Variants in MBD5 observed in about 807,000 individuals in gnomAD.
The protein encoded by MBD5 is methyl-CpG-binding domain protein 5.
Under a neutral mutation model 117.3 loss-of-function variants are expected in MBD5, and 13 were observed. That is an observed-to-expected ratio of 0.11 (90% CI 0.07 to 0.18). The LOEUF (loss-of-function observed/expected upper bound fraction) is 0.18. MBD5 is among the 10% of genes least tolerant of loss of function. The probability of loss-of-function intolerance (pLI) is 1.00; values close to 1 mark genes in which losing one functional copy is unlikely to be tolerated. For synonymous variants in MBD5, 727 were observed against 766.4 expected (o/e 0.95, Z 0.85); for missense variants, 1,879 against 2,093.8 (o/e 0.90, Z 2.00).
At chr2:148,189,117 A>G (rs1040820282) in intron 2 of MBD5, among the ~76,000 whole-genome samples, 12 of 144,710 alleles carry the variant, frequency 8.3e-5, no homozygotes, top group South Asian at 2.4e-4. Context: ...CGCCCACGGA[A>G]TCTCGCTGAT....
intron 4 of MBD5, among the ~76,000 whole-genome samples, chr2:148,424,953 C>T (rs545197702): frequency 3.9e-5 from 6 of 152,122 alleles, no homozygotes; most frequent in African/African-American, 1.4e-4. Context: ...AAATCAACAC[C>T]CTAACATCGC....
intron 2 of MBD5, among the ~76,000 whole-genome samples, chr2:148,202,988 C>A (rs559910434): frequency 2.0e-5 from 3 of 151,920 alleles, no homozygotes; most frequent in African/African-American, 7.2e-5. Context: ...ACCTGTAATA[C>A]CAGGTACTCA....
chr2:148,241,637 C>T (rs1016338025), intron 3 of MBD5, among the ~76,000 whole-genome samples: 5 of 152,114 alleles, frequency 3.3e-5, no homozygotes, highest in African/African-American at 1.2e-4. Flanking sequence ...GCCATTCTCT[C>T]AACCCTGAAT....
At position 148,470,044 on chromosome 2, in the gene MBD5, A is replaced by C. The variant is rs398124343; in HGVS notation, c.2101A>C (p.Met701Leu). ...TCAGGGTTCATTTCCCATCAGTTCAATGTCTCAGTTACTACAGTCTATGAG... is the reference window on the plus strand; with the variant it reads ...TCAGGGTTCATTTCCCATCAGTTCACTGTCTCAGTTACTACAGTCTATGAG... The part of the protein sequence containing the change: ...QGQGSFPISS[M>L]SQLLQSMSCQ... Residue 701 changes from methionine (M) to leucine (L), a missense_variant, in exon 8 of 14, where the codon ATG (methionine) becomes CTG (leucine). Physicochemically the swap from Met to Leu is conservative, Grantham distance 15. Coordinates refer to ENST00000642680, the MANE Select transcript of MBD5 (RefSeq NM_001378120.1). 1.2e-6 allele frequency: 2 copies of C among 1,613,834 alleles called. No individual in the cohort carries two copies. The highest frequency in any genetic ancestry group is 1.7e-6 in the Non-Finnish European group (2 of 1,179,872).
At chr2:148,023,385 A>G (rs1198077791) in intron 1 of MBD5, among the ~76,000 whole-genome samples, 1 of 152,226 alleles carries the variant, frequency 6.6e-6, no homozygotes, top group African/African-American at 2.4e-5. Context: ...TTTAATTATC[A>G]ACTGTGTGCA....
At chr2:148,285,483 C>A (rs1701348561) in intron 3 of MBD5, among the ~76,000 whole-genome samples, 2 of 152,164 alleles carry the variant, frequency 1.3e-5, no homozygotes, top group Non-Finnish European at 2.9e-5. Flanking sequence ...CTGTTTGAAG[C>A]ATCTACTTTC....
chr2:148,513,092 C>T lies in MBD5; in HGVS notation c.*151C>T. ...CAGGGTGCTAAAAGAAACAGTGATACAAAATTTTTTTGATCAGGAAGGATA... is the reference window on the plus strand; with the variant it reads ...CAGGGTGCTAAAAGAAACAGTGATATAAAATTTTTTTGATCAGGAAGGATA... On this transcript the variant is annotated 3_prime_UTR_variant, in exon 14 of 14. Transcript: ENST00000642680. 1.3e-6 allele frequency: 1 copy of T among 796,722 alleles called. No homozygotes were observed. The highest frequency in any genetic ancestry group is 2.0e-6 in the Non-Finnish European group (1 of 492,506). The allele number at this position is 796,722 out of a possible 1,614,324, so 49.4% of individuals were successfully genotyped here. A position where few individuals can be genotyped will look rare whatever the true frequency, so the allele number is the denominator to read the frequency against.
intron 1 of MBD5, among the ~76,000 whole-genome samples, chr2:148,152,084 A>G (rs1320012804): frequency 1.3e-5 from 2 of 151,884 alleles, no homozygotes; most frequent in African/African-American, 2.4e-5. Context: ...ATTTAGTGCT[A>G]TAAATTTCCC....
At chr2:148,241,180 C>T (rs1222056263) in intron 3 of MBD5, among the ~76,000 whole-genome samples, 1 of 151,970 alleles carries the variant, frequency 6.6e-6, no homozygotes, top group East Asian at 1.9e-4. Context: ...CTGTTATCTT[C>T]TTCTGAAGAG....
At chr2:148,341,831 T>C (rs1559031156) in intron 3 of MBD5, among the ~76,000 whole-genome samples, 1 of 123,304 alleles carries the variant, frequency 8.1e-6, no homozygotes, top group African/African-American at 2.9e-5. Flanking sequence ...CACAGAGCAA[T>C]AAATATTGTT....
At chr2:148,193,176 C>T (rs1365446706) in intron 2 of MBD5, among the ~76,000 whole-genome samples, 2 of 46,736 alleles carry the variant, frequency 4.3e-5, no homozygotes, top group Non-Finnish European at 8.4e-5. Flanking sequence ...TGAAAATGGC[C>T]ATACTGCCCA....
At chr2:148,339,856 A>G (rs1037413724) in intron 3 of MBD5, among the ~76,000 whole-genome samples, 9 of 152,190 alleles carry the variant, frequency 5.9e-5, no homozygotes, top group Non-Finnish European at 1.3e-4. Context: ...TTTTTATAGA[A>G]AACAGGTAAG....
At chr2:148,071,329 T>C (rs1463656003) in intron 1 of MBD5, 1 of 150,598 alleles carries the variant, frequency 6.6e-6, no homozygotes, top group East Asian at 1.9e-4. Flanking sequence ...TGTGTATGTG[T>C]AGATATGGGT....
intron 1 of MBD5, among the ~76,000 whole-genome samples, chr2:148,100,016 G>T (rs1205588120): frequency 6.6e-6 from 1 of 152,152 alleles, no homozygotes; most frequent in Non-Finnish European, 1.5e-5. Flanking sequence ...TAAACAACTG[G>T]AATATAATGT....
chr2:148,373,759 G>A (rs1703917536), intron 4 of MBD5, among the ~76,000 whole-genome samples: 1 of 152,086 alleles, frequency 6.6e-6, no homozygotes, highest in African/African-American at 2.4e-5. Context: ...CAGTGATCAG[G>A]TGACTACAAT....
intron 5 of MBD5, 87 bp downstream of exon 5, chr2:148,458,958 C>T (rs755811841): frequency 3.7e-5 from 38 of 1,033,538 alleles, no homozygotes; most frequent in Admixed American, 6.9e-5. Flanking sequence ...GATGGCACCT[C>T]ATATAAATGT....
chr2:148,229,573 G>C (rs1024626144), intron 2 of MBD5, among the ~76,000 whole-genome samples: 1 of 152,052 alleles, frequency 6.6e-6, no homozygotes, highest in Non-Finnish European at 1.5e-5. Flanking sequence ...TGATGTCTGG[G>C]CATTTAAGGG....
intron 3 of MBD5, among the ~76,000 whole-genome samples, chr2:148,238,957 C>T (rs1357042032): frequency 6.6e-6 from 1 of 151,538 alleles, no homozygotes; most frequent in Non-Finnish European, 1.5e-5. Context: ...AGGACTTGAA[C>T]ATATTTTTGG....
At chr2:148,431,484 C>T (rs951640386) in intron 4 of MBD5, among the ~76,000 whole-genome samples, 1 of 152,064 alleles carries the variant, frequency 6.6e-6, no homozygotes, top group African/African-American at 2.4e-5. Flanking sequence ...ACAGTTTCAT[C>T]ACCCAGGTAA....
Sources: allele counts gnomAD v4.1 joint callset (sites outside exome capture counted in the v4.1 genomes callset), GRCh38; gene constraint gnomAD v4.1.1; transcripts MANE v1.5; gene names NCBI Gene and HGNC (gene_info 2026-07-23, HGNC 2026-07-21).